The following JPH2 variants were observed in gnomAD, a reference collection of about 807,000 sequenced individuals.
JPH2 encodes the protein junctophilin 2.
JPH2 carries 38 observed loss-of-function variants against 55.9 expected under a neutral mutation model. The ratio of observed to expected loss-of-function variants is 0.68; its 90% CI spans 0.52 to 0.89. The LOEUF is 0.89. Ranked by LOEUF, JPH2 falls within the 40% of genes least tolerant of loss-of-function variation. JPH2 has a pLI of 0.00. For synonymous variants in JPH2, 480 were observed against 472.4 expected, an observed-to-expected ratio of 1.02 and a Z score of -0.21; for missense variants, 964 against 1,037.6, an observed-to-expected ratio of 0.93 and a Z score of 0.97.
At chr20:44,134,879 TATATATATTA>T (rs1569195778) in intron 2 of JPH2, among the ~76,000 whole-genome samples, 132 of 12,264 alleles carry the variant, frequency 0.011, 1 homozygote, top group African/African-American at 0.053. Flanking sequence ...TATATATTTA[TATATATATTA>T]ATATATATTT....
intron 1 of JPH2, among the ~76,000 whole-genome samples, chr20:44,165,582 C>G (rs1441374681): frequency 6.6e-6 from 1 of 152,212 alleles, no homozygotes; most frequent in Non-Finnish European, 1.5e-5. Flanking sequence ...ACCCTTCTCA[C>G]TCAGAAGAAA....
At chr20:44,175,899 C>G (rs1046716640) in intron 1 of JPH2, among the ~76,000 whole-genome samples, 7 of 152,138 alleles carry the variant, frequency 4.6e-5, no homozygotes, top group African/African-American at 1.7e-4. Context: ...GGAGACCCAC[C>G]TACCTGTGCA....
At chr20:44,119,456 A>G (rs2072219004) in intron 2 of JPH2, among the ~76,000 whole-genome samples, 1 of 152,200 alleles carries the variant, frequency 6.6e-6, no homozygotes, top group African/African-American at 2.4e-5. Context: ...CTGGTGCCCT[A>G]TGCAGATCCC....
intron 4 of JPH2, 55 bp from the exon 5 acceptor site, chr20:44,114,931 C>G: frequency 7.3e-7 from 1 of 1,363,032 alleles, no homozygotes; most frequent in Non-Finnish European, 1.0e-6. Context: ...AGACACCCCC[C>G]ACCCAGGTCA....
intron 2 of JPH2, among the ~76,000 whole-genome samples, chr20:44,134,599 TATTTATTATAAA>T (rs2072383189): frequency 8.2e-5 from 2 of 24,460 alleles, no homozygotes; most frequent in Non-Finnish European, 1.3e-4. Flanking sequence ...TATAAATATA[TATTTATTATAAA>T]TATAATAAAT....
intron 1 of JPH2, among the ~76,000 whole-genome samples, chr20:44,164,180 G>A (rs2072637199): frequency 1.3e-5 from 2 of 152,202 alleles, no homozygotes; most frequent in Non-Finnish European, 2.9e-5. Flanking sequence ...AATGAACAGA[G>A]AAATGGGAAT....
intron 2 of JPH2, among the ~76,000 whole-genome samples, chr20:44,157,515 C>T (rs956752840): frequency 6.6e-6 from 1 of 152,186 alleles, no homozygotes; most frequent in African/African-American, 2.4e-5. Context: ...ACATTTCCTG[C>T]ATGTTAATCT....
rs748282723 is a variant in JPH2, at chr20:44,159,949, C to G, written c.838G>C (p.Glu280Gln). 6.2e-7 allele frequency: 1 copy of G among 1,606,576 alleles called. No homozygotes were observed. Among genetic ancestry groups the G allele is most frequent in the Non-Finnish European group, 8.5e-7 (1 of 1,178,256 alleles). Residue 280 changes from glutamate to glutamine, a missense_variant, in exon 2 of 6, where the codon GAG becomes CAG. Glu to Gln is a conservative substitution (Grantham distance 29). Coordinates refer to ENST00000372980, the MANE Select transcript of JPH2 (RefSeq NM_020433.5). The surrounding 1 kb of genome is among the most constrained non-coding windows in gnomAD (Gnocchi z 5.7). ...GTGGTGGTGGCGTCGATATCGGCCT[C>G]GAAGGGTGCGGCCTCGTCGGCGCCC... ...AEGADEAAPF[E>Q]ADIDATTTET...
At chr20:44,129,927 T>A (rs2072305382) in intron 2 of JPH2, among the ~76,000 whole-genome samples, 1 of 152,068 alleles carries the variant, frequency 6.6e-6, no homozygotes. Context: ...CAGCAGGGGT[T>A]GAAAAGACAA....
intron 2 of JPH2, among the ~76,000 whole-genome samples, chr20:44,150,974 G>A (rs564521045): frequency 6.6e-6 from 1 of 152,034 alleles, no homozygotes; most frequent in Non-Finnish European, 1.5e-5. Flanking sequence ...AGGCTGCAGT[G>A]AGCTGACATG....
intron 1 of JPH2, among the ~76,000 whole-genome samples, chr20:44,184,236 G>A (rs1020666345): frequency 1.6e-4 from 24 of 152,150 alleles, no homozygotes; most frequent in African/African-American, 5.8e-4. Flanking sequence ...AGGATGTTAC[G>A]TAGGGGCTTT....
At chr20:44,175,378 A>AT (rs1290349797) in intron 1 of JPH2, among the ~76,000 whole-genome samples, 4 of 152,198 alleles carry the variant, frequency 2.6e-5, no homozygotes, top group Non-Finnish European at 4.4e-5. Flanking sequence ...GCATGGTCTC[A>AT]TAAATTAACA....
At chr20:44,134,619 AAT>A (rs1167939439) in intron 2 of JPH2, among the ~76,000 whole-genome samples, 1 of 42,868 alleles carries the variant, frequency 2.3e-5, no homozygotes, top group African/African-American at 1.1e-4. Context: ...AAATATAATA[AAT>A]ATATATTTAT....
intron 1 of JPH2, among the ~76,000 whole-genome samples, chr20:44,169,265 C>T (rs2072679930): frequency 1.3e-5 from 2 of 151,110 alleles, no homozygotes; most frequent in African/African-American, 4.9e-5. Flanking sequence ...CAACCACCGC[C>T]TCCTGGGTTT....
At chr20:44,149,633 C>T (rs377441041) in intron 2 of JPH2, among the ~76,000 whole-genome samples, 1 of 152,212 alleles carries the variant, frequency 6.6e-6, no homozygotes, top group Non-Finnish European at 1.5e-5. Flanking sequence ...TTCCCCCCAA[C>T]CCCTGCTCCT....
At chr20:44,134,742 A>AATATTTATTATAAATAT (rs2072390213) in intron 2 of JPH2, among the ~76,000 whole-genome samples, 1 of 52,952 alleles carries the variant, frequency 1.9e-5, no homozygotes, top group African/African-American at 7.3e-5. Flanking sequence ...TAAATATATA[A>AATATTTATTATAAATAT]AGATATATTT....
At chr20:44,126,824 T>C (rs1050941983) in intron 2 of JPH2, among the ~76,000 whole-genome samples, 1 of 152,156 alleles carries the variant, frequency 6.6e-6, no homozygotes, top group Non-Finnish European at 1.5e-5. Context: ...ACAAGACAGG[T>C]TAAGGGCACA....
At chr20:44,125,824 C>T (rs1293887612) in intron 2 of JPH2, among the ~76,000 whole-genome samples, 1 of 152,000 alleles carries the variant, frequency 6.6e-6, no homozygotes, top group Non-Finnish European at 1.5e-5. Context: ...TAAGGGCACG[C>T]GTCTCCAAGG....
Position 44,156,975 on chromosome 20 carries a change from A to C in JPH2, c.1169+2643T>G, listed in dbSNP as rs115250235. On this transcript the variant is annotated intron_variant, in intron 2 of 5. Transcript: ENST00000372980. ...GATGTGCTAAAGTTTTTGAATCAGA[A>C]AGCTAGAGGCTGATGCTTGGGTTCT... Among the ~76,000 whole-genome samples the C allele has an allele frequency of 5.3e-3, 812 of 152,326 alleles. 6 individuals are homozygous for C. Among genetic ancestry groups the C allele is most frequent in the African/African-American group, 0.019 (777 of 41,592 alleles).
Sources: allele counts gnomAD v4.1 joint callset (sites outside exome capture counted in the v4.1 genomes callset), GRCh38; gene constraint gnomAD v4.1.1; non-coding constraint Gnocchi (gnomAD v3.1); transcripts MANE v1.5; gene names NCBI Gene and HGNC (gene_info 2026-07-23, HGNC 2026-07-21).